The following HEATR5A variants were observed in gnomAD, a reference collection of about 807,000 sequenced individuals.
HEATR5A encodes HEAT repeat-containing protein 5A.
A neutral mutation model predicts 218.8 loss-of-function variants in HEATR5A; 178 were observed. The observed-to-expected ratio is 0.81, with a 90% CI of 0.72 to 0.92. The LOEUF is 0.92. Among genes scored for constraint, HEATR5A ranks in the 40% least tolerant of loss-of-function variants. The pLI, the probability that HEATR5A is intolerant of heterozygous loss-of-function variation, is 0.00. For synonymous variants in HEATR5A, 864 were observed against 871.6 expected, an observed-to-expected ratio of 0.99 and a Z score of 0.15; for missense variants, 2,420 against 2,418.9, an observed-to-expected ratio of 1.00 and a Z score of -0.01.
At position 31,315,773 on chromosome 14, in the gene HEATR5A, T is replaced by C; in HGVS notation, c.4215A>G (p.Ala1405=). The change falls in exon 27 of 36, where the codon GCA becomes GCG. Residue 1405 remains alanine, a synonymous_variant. Coordinates refer to ENST00000543095, the MANE Select transcript of HEATR5A (RefSeq NM_015473.4). ...TTACAAATTAAGAAATACCAACCTC[T>C]GCCCAGGCTTTAAGCACAGCTAAGA... is the stretch of plus-strand genomic sequence containing the variant. ...MEILAVLKAW[A]EVYIIAVQRH... 6.3e-7 allele frequency: 1 copy of C among 1,581,342 alleles called. No individual in the cohort carries two copies. Among genetic ancestry groups the C allele is most frequent in the Non-Finnish European group, 8.6e-7 (1 of 1,163,264 alleles).
intron 11 of HEATR5A, among the ~76,000 whole-genome samples, chr14:31,376,493 T>G (rs868662949): frequency 2.6e-5 from 4 of 152,142 alleles, no homozygotes; most frequent in Non-Finnish European, 4.4e-5. Flanking sequence ...CAGAACAAGA[T>G]CCTTTCTTTA....
At chr14:31,387,591 G>C (rs1192482684) in intron 7 of HEATR5A, among the ~76,000 whole-genome samples, 1 of 144,824 alleles carries the variant, frequency 6.9e-6, no homozygotes, top group Non-Finnish European at 1.5e-5. Context: ...ACGGAGTCTC[G>C]CTCTGTCACC....
intron 2 of HEATR5A, among the ~76,000 whole-genome samples, chr14:31,401,446 A>G (rs752602640): frequency 3.9e-5 from 6 of 152,304 alleles, no homozygotes; most frequent in Middle Eastern, 6.8e-3. Context: ...TTAAGCTTGC[A>G]TATCTGTGCA....
chr14:31,383,408 G>T, intron 10 of HEATR5A, 113 bp downstream of exon 10: 4 of 945,106 alleles, frequency 4.2e-6, no homozygotes, highest in Non-Finnish European at 6.3e-6. Context: ...TACTTATATG[G>T]CAGGGCTAGA....
intron 10 of HEATR5A, 108 bp downstream of exon 10, chr14:31,383,413 G>T: frequency 9.6e-7 from 1 of 1,040,416 alleles, no homozygotes; most frequent in Non-Finnish European, 1.4e-6. Context: ...ATATGGCAGG[G>T]CTAGATGTAC....
At position 31,308,921 on chromosome 14, in the gene HEATR5A, T is replaced by G; in HGVS notation, c.4690+13A>C. On this transcript the variant is annotated intron_variant, in intron 29 of 35. Transcript: ENST00000543095. Reference sequence around the variant, plus strand: ...CCCTAAGGTTGTAAACTTGTAAAAGTGGTTTAACTGACCTAAAATAAGATG... The same window carrying G: ...CCCTAAGGTTGTAAACTTGTAAAAGGGGTTTAACTGACCTAAAATAAGATG... 1 of 1,596,594 alleles carries G rather than the reference T, an allele frequency of 6.3e-7. No individual in the cohort carries two copies.
At chr14:31,367,616 A>T (rs1350605992) in intron 13 of HEATR5A, among the ~76,000 whole-genome samples, 1 of 115,240 alleles carries the variant, frequency 8.7e-6, no homozygotes, top group Non-Finnish European at 1.6e-5. Flanking sequence ...ACGGGGTCTC[A>T]CCATGTTGGC....
In HEATR5A at chr14:31,321,549, G is replaced by A. The variant is rs907582689; in HGVS notation, c.3919C>T (p.Pro1307Ser). 1.3e-5 allele frequency: 21 copies of A among 1,605,296 alleles called. No homozygotes were observed. Among genetic ancestry groups the A allele is most frequent in the Non-Finnish European group, 1.7e-5 (20 of 1,175,900 alleles). Reference protein sequence around the residue: ...LVVIRRFATVPEPEFPGHVIL... With the variant: ...LVVIRRFATVSEPEFPGHVIL... ...ACATGACCTGGAAACTCTGGTTCTGGAACAGTTGCAAATCGCCGAATAACA... is the reference window on the plus strand; with the variant it reads ...ACATGACCTGGAAACTCTGGTTCTGAAACAGTTGCAAATCGCCGAATAACA... The change falls in exon 25 of 36, where the codon CCA (proline) becomes TCA (serine). Residue 1307 changes from proline to serine, a missense_variant. Physicochemically the swap from Pro to Ser is moderately conservative, Grantham distance 74 (BLOSUM62 -1). Coordinates refer to ENST00000543095, the MANE Select transcript of HEATR5A (RefSeq NM_015473.4).
intron 6 of HEATR5A, among the ~76,000 whole-genome samples, chr14:31,392,350 C>T (rs2030486525): frequency 6.6e-6 from 1 of 152,182 alleles, no homozygotes; most frequent in South Asian, 2.1e-4. Context: ...GACCACAAGA[C>T]ATGCTCTCTT....
intron 27 of HEATR5A, among the ~76,000 whole-genome samples, chr14:31,314,378 G>A (rs932985479): frequency 1.3e-5 from 2 of 151,768 alleles, no homozygotes; most frequent in Admixed American, 6.6e-5. Flanking sequence ...TCAGCCTTCC[G>A]AGTAGCTGGG....
At chr14:31,315,131 C>T (rs1305251642) in intron 27 of HEATR5A, among the ~76,000 whole-genome samples, 1 of 152,098 alleles carries the variant, frequency 6.6e-6, no homozygotes, top group Non-Finnish European at 1.5e-5. Context: ...TGAGATTGCT[C>T]CATTTGTACC....
chr14:31,363,684 A>C (rs960750732), intron 14 of HEATR5A, among the ~76,000 whole-genome samples: 1 of 152,178 alleles, frequency 6.6e-6, no homozygotes, highest in Non-Finnish European at 1.5e-5. Flanking sequence ...AGGTTTTTTA[A>C]AAAAAAGTAT....
chr14:31,416,938 C>CA (rs1172303004), intron 1 of HEATR5A, among the ~76,000 whole-genome samples: 4 of 151,944 alleles, frequency 2.6e-5, no homozygotes, highest in Non-Finnish European at 5.9e-5. Context: ...CGCCTCTCTA[C>CA]AAAAAATACA....
At chr14:31,357,112 T>G (rs1347064549) in intron 16 of HEATR5A, among the ~76,000 whole-genome samples, 1 of 152,214 alleles carries the variant, frequency 6.6e-6, no homozygotes, top group Non-Finnish European at 1.5e-5. Context: ...TCATTAACAA[T>G]TCAGTCATAT....
At chr14:31,394,657 T>TA (rs1207451834) in intron 5 of HEATR5A, among the ~76,000 whole-genome samples, 1 of 151,422 alleles carries the variant, frequency 6.6e-6, no homozygotes, top group African/African-American at 2.4e-5. Context: ...CTACTAAAAA[T>TA]ACAAAAAAAA....
chr14:31,371,184 A>G lies in HEATR5A; in HGVS notation c.1961+626T>C, dbSNP rs184249503. On this transcript the variant is annotated intron_variant, in intron 13 of 35. Coordinates refer to ENST00000543095, the MANE Select transcript of HEATR5A (RefSeq NM_015473.4). ...TGAGTAGCTGCAACATAGACTTCAT[A>G]GTCTGTATATCCTAAAGTATTTACT... Among the ~76,000 whole-genome samples, 71 of 152,370 alleles carry G rather than the reference A, an allele frequency of 4.7e-4. 2 individuals carry two copies. Among genetic ancestry groups the G allele is most frequent in the African/African-American group, 1.7e-3 (70 of 41,594 alleles).
At position 31,296,051 on chromosome 14, in the gene HEATR5A, T is replaced by A. The variant is rs1200209999; in HGVS notation, c.5477A>T (p.His1826Leu). ...LDCWDPVDET[H>L]QELDEVSLLT... is the part of the protein sequence containing the mutation. ...TAGACTGACTTCATCAAGTTCTTGG[T>A]GTGTTTCATCAACTAAAGAGAAATG... is the stretch of plus-strand genomic sequence containing the variant. The change falls in exon 34 of 36, where the codon CAC (histidine) becomes CTC (leucine). Residue 1826 changes from histidine to leucine, a missense_variant. His to Leu is a moderately conservative substitution (Grantham distance 99). Coordinates refer to ENST00000543095, the MANE Select transcript of HEATR5A (RefSeq NM_015473.4). 6.2e-7 allele frequency: 1 copy of A among 1,613,372 alleles called. No homozygotes were observed. The highest frequency in any genetic ancestry group is 2.2e-5 in the East Asian group (1 of 44,830).
At chr14:31,324,683 CT>C (rs57220635) in intron 23 of HEATR5A, among the ~76,000 whole-genome samples, 99,073 of 126,008 alleles carry the variant, frequency 0.79, 39,315 homozygotes, top group Non-Finnish European at 0.89. Context: ...CATGTATTTT[CT>C]TTTTTTTTTT....
Position 31,349,166 on chromosome 14 carries a change from G to A in HEATR5A, c.2708+623C>T, listed in dbSNP as rs551407261. Among the ~76,000 whole-genome samples the A allele has an allele frequency of 2.0e-5, 3 of 152,200 alleles. No individual in the cohort carries two copies. The East Asian group carries it at 5.8e-4, about 29-fold the overall frequency. On this transcript the variant is annotated intron_variant, in intron 18 of 35. Transcript: ENST00000543095. Reference sequence around the variant, plus strand: ...GCACTTTGGGAGGCTGAGGCGGGCGGAACACAAGGTCAGGAGTTCGAGACC... The same window carrying A: ...GCACTTTGGGAGGCTGAGGCGGGCGAAACACAAGGTCAGGAGTTCGAGACC...
Sources: gnomAD v4.1 joint callset for allele counts (sites outside exome capture counted in the v4.1 genomes callset) on GRCh38, gnomAD v4.1.1 for gene constraint, MANE v1.5 for transcripts, NCBI Gene and HGNC (gene_info 2026-07-23, HGNC 2026-07-21) for gene names.